Variants in UGT1A9 observed in about 807,000 individuals in gnomAD.
UGT1A9 encodes the protein UDP-glucuronosyltransferase 1A9.
UGT1A9 carries 35 observed loss-of-function variants against 45.0 expected under a neutral mutation model. The observed-to-expected ratio is 0.78, with a 90% CI of 0.59 to 1.03. The LOEUF is 1.03. UGT1A9 is among the 50% of genes least tolerant of loss of function. The pLI is 0.00. For synonymous variants in UGT1A9, 278 were observed against 250.6 expected, an observed-to-expected ratio of 1.11 and a Z score of -1.03; for missense variants, 687 against 666.6, an observed-to-expected ratio of 1.03 and a Z score of -0.34.
At chr2:233,772,143 C>T in intron 4 of UGT1A9, 119 bp from the exon 5 acceptor site, 2 of 1,550,602 alleles carry the variant, frequency 1.3e-6, no homozygotes, top group Non-Finnish European at 1.7e-6. Flanking sequence ...ATAATAGAAA[C>T]AGGTTTCCTT....
At position 233,767,903 on chromosome 2, in the gene UGT1A9, C is replaced by G. The variant is rs549391527; in HGVS notation, c.1042C>G (p.Leu348Val). 1.2e-6 allele frequency: 2 copies of G among 1,614,060 alleles called. No homozygotes were observed. Among genetic ancestry groups the G allele is most frequent in the African/African-American group, 1.3e-5 (1 of 74,904 alleles). ...RPSNLANNTILVKWLPQNDLL... is the reference protein window; with the variant it reads ...RPSNLANNTIVVKWLPQNDLL... ...ATCGAATCTTGCGAACAACACGATA[C>G]TTGTTAAGTGGCTACCCCAAAACGA... The change falls in exon 3 of 5, where the codon CTT becomes GTT. Residue 348 changes from leucine to valine, a missense_variant. By Grantham distance (32) the Leu-to-Val change is conservative. Coordinates refer to ENST00000354728, the MANE Select transcript of UGT1A9 (RefSeq NM_021027.3).
chr2:233,704,825 T>C (rs900161304), intron 1 of UGT1A9, among the ~76,000 whole-genome samples: 13 of 152,104 alleles, frequency 8.5e-5, no homozygotes, highest in Admixed American at 6.5e-4. Flanking sequence ...TTTTTAGGAT[T>C]GCTTTTAAAA....
At chr2:233,696,172 A>G (rs755372568) in intron 1 of UGT1A9, among the ~76,000 whole-genome samples, 1 of 152,238 alleles carries the variant, frequency 6.6e-6, no homozygotes, top group Non-Finnish European at 1.5e-5. Flanking sequence ...AAAAAAATAT[A>G]TATTGAAGAG....
chr2:233,735,210 C>T (rs1481104383), intron 1 of UGT1A9, among the ~76,000 whole-genome samples: 2 of 152,078 alleles, frequency 1.3e-5, no homozygotes, highest in Non-Finnish European at 2.9e-5. Context: ...GTATTGGGTG[C>T]ATATATATTT....
chr2:233,767,857 G>C lies in UGT1A9; in HGVS notation c.996G>C (p.Trp332Cys). The C allele has an allele frequency of 6.2e-7, 1 of 1,614,112 alleles. No individual in the cohort carries two copies. Among genetic ancestry groups the C allele is most frequent in the Non-Finnish European group, 8.5e-7 (1 of 1,180,034 alleles). The change falls in exon 3 of 5, where the codon TGG becomes TGC. Residue 332 changes from tryptophan to cysteine, a missense_variant. By Grantham distance (215) the Trp-to-Cys change is radical (BLOSUM62 -2). Transcript: ENST00000354728. ...ALGKIPQTVL[W>C]RYTGTRPSNL... The stretch of plus-strand genomic sequence containing the variant: ...CTTTTTGCCCCTCCCAGGTCCTGTG[G>C]CGGTACACTGGAACCCGACCATCGA...
intron 1 of UGT1A9, chr2:233,739,179 C>T (rs1480075812): frequency 1.3e-5 from 2 of 152,348 alleles, no homozygotes; most frequent in East Asian, 3.9e-4. Context: ...TAAGGAAATG[C>T]TTGGATGTCC....
rs1342292441 is a variant in UGT1A9, at chr2:233,772,794, G to A, written c.*235G>A. 35 of 1,212,802 alleles carry A rather than the reference G, an allele frequency of 2.9e-5. No individual in the cohort carries two copies. Among genetic ancestry groups the A allele is most frequent in the African/African-American group, 6.1e-5 (4 of 65,186 alleles). The allele number at this position is 1,212,802 out of a possible 1,614,324, so 75.1% of individuals were successfully genotyped here. On this transcript the variant is annotated 3_prime_UTR_variant, in exon 5 of 5. Transcript: ENST00000354728. ...CTGGTGTCTTTGATCAGGATGACAT[G>A]TGCCATTTTTCAGAGGACGTGCAGA...
intron 1 of UGT1A9, among the ~76,000 whole-genome samples, chr2:233,711,176 T>C (rs1233796559): frequency 1.3e-5 from 2 of 152,192 alleles, no homozygotes; most frequent in East Asian, 3.9e-4. Context: ...ACCAGGAATA[T>C]GAGCTACTCC....
intron 1 of UGT1A9, among the ~76,000 whole-genome samples, chr2:233,751,671 A>T (rs1207862608): frequency 6.6e-6 from 1 of 152,074 alleles, no homozygotes; most frequent in Admixed American, 6.6e-5. Context: ...GTGAGTTCTA[A>T]TGAGAGCTGA....
intron 1 of UGT1A9, among the ~76,000 whole-genome samples, chr2:233,685,880 A>G (rs1356115880): frequency 1.3e-5 from 2 of 152,244 alleles, no homozygotes; most frequent in African/African-American, 4.8e-5. Context: ...ACAATCAATA[A>G]TTCTTTAATA....
chr2:233,729,448 A>G (rs1363906847), intron 1 of UGT1A9: 1 of 1,614,064 alleles, frequency 6.2e-7, no homozygotes, highest in South Asian at 1.1e-5. Flanking sequence ...ACATTTTCTG[A>G]AGAAATTTTT....
At chr2:233,744,078 C>T (rs1450419320) in intron 1 of UGT1A9, 2 of 455,950 alleles carry the variant, frequency 4.4e-6, no homozygotes, top group Non-Finnish European at 7.4e-6. Context: ...CGCCTCGCAT[C>T]CCAAGATGCA....
At position 233,764,014 on chromosome 2, in the gene UGT1A9, A is replaced by G. The variant is rs28900399; in HGVS notation, c.856-3020A>G. On this transcript the variant is annotated intron_variant, in intron 1 of 4. Transcript: ENST00000354728. ...GATGGTGAAGTCACAGATGACCCACATGGTGTCTAAGTGCTAAAGAAGAAT... is the reference window on the plus strand; with the variant it reads ...GATGGTGAAGTCACAGATGACCCACGTGGTGTCTAAGTGCTAAAGAAGAAT... Among the ~76,000 whole-genome samples the G allele has an allele frequency of 9.6e-3, 1,456 of 152,328 alleles. 29 individuals are homozygous for G. The highest frequency in any genetic ancestry group is 0.033 in the African/African-American group (1,365 of 41,562).
intron 4 of UGT1A9, among the ~76,000 whole-genome samples, chr2:233,771,932 C>G (rs909817739): frequency 6.6e-6 from 1 of 152,046 alleles, no homozygotes; most frequent in African/African-American, 2.4e-5. Context: ...CTGGGCAACA[C>G]AATAAGACCT....
intron 1 of UGT1A9, among the ~76,000 whole-genome samples, chr2:233,722,492 T>G (rs1349668885): frequency 6.6e-6 from 1 of 152,244 alleles, no homozygotes; most frequent in African/African-American, 2.4e-5. Context: ...ACTGTTTCAT[T>G]TTCCGTTTCG....
Position 233,672,174 on chromosome 2 carries a change from A to C in UGT1A9, c.240A>C (p.Ser80=), listed in dbSNP as rs773426393. Residue 80 remains serine, a synonymous_variant, in exon 1 of 5, where the codon TCA becomes TCC. Coordinates refer to ENST00000354728, the MANE Select transcript of UGT1A9 (RefSeq NM_021027.3). The stretch of plus-strand genomic sequence containing the variant: ...GCACAGTGAAGACTTATTCAACTTC[A>C]TATACCCTGGAGGATCTGGACCGGG... ...LNCTVKTYST[S]YTLEDLDREF... 1.2e-6 allele frequency: 2 copies of C among 1,614,092 alleles called. No homozygotes were observed. Among genetic ancestry groups the C allele is most frequent in the African/African-American group, 2.7e-5 (2 of 74,942 alleles).
At chr2:233,682,126 T>G in intron 1 of UGT1A9, 2 of 1,614,070 alleles carry the variant, frequency 1.2e-6, no homozygotes, top group Non-Finnish European at 1.7e-6. Flanking sequence ...CAGAGGTGAG[T>G]TGGCAACTGG....
At chr2:233,756,614 T>C (rs978971075) in intron 1 of UGT1A9, among the ~76,000 whole-genome samples, 2 of 152,204 alleles carry the variant, frequency 1.3e-5, no homozygotes, top group African/African-American at 4.8e-5. Context: ...CCATTAAGAC[T>C]TGCAGGCCGT....
chr2:233,702,773 G>A (rs1177532005), intron 1 of UGT1A9, among the ~76,000 whole-genome samples: 1 of 152,128 alleles, frequency 6.6e-6, no homozygotes, highest in Non-Finnish European at 1.5e-5. Flanking sequence ...TAATTGATTT[G>A]CAGGTGTAAA....
Sources: allele counts gnomAD v4.1 joint callset (sites outside exome capture counted in the v4.1 genomes callset), GRCh38; gene constraint gnomAD v4.1.1; transcripts MANE v1.5; gene names NCBI Gene and HGNC (gene_info 2026-07-23, HGNC 2026-07-21).